VPS13B: variants seen among roughly 807,000 people sequenced by gnomAD.
VPS13B encodes the protein intermembrane lipid transfer protein VPS13B.
VPS13B carries 285 observed loss-of-function variants against 426.4 expected under a neutral mutation model. The ratio of observed to expected loss-of-function variants is 0.67; its 90% CI spans 0.61 to 0.74. The LOEUF is 0.74. Ranked by LOEUF, VPS13B falls within the 30% of genes least tolerant of loss-of-function variation. VPS13B has a pLI of 0.00. For missense variants in VPS13B, 4,537 were observed against 4,782.6 expected (o/e 0.95, Z 1.51); for synonymous variants, 1,676 against 1,676.4 (o/e 1.00, Z 0.01).
At chr8:99,263,325 A>AT (rs1291463503) in intron 17 of VPS13B, among the ~76,000 whole-genome samples, 4 of 152,176 alleles carry the variant, frequency 2.6e-5, no homozygotes, top group Non-Finnish European at 4.4e-5. Context: ...GTATGTAGAT[A>AT]TTATCTGCAT....
chr8:99,558,812 A>T (rs371746183), intron 31 of VPS13B, among the ~76,000 whole-genome samples: 2 of 152,120 alleles, frequency 1.3e-5, no homozygotes, highest in South Asian at 2.1e-4. Context: ...TCTATCATTG[A>T]TGGACATTTG....
At chr8:99,695,346 C>T (rs1831917167) in intron 35 of VPS13B, among the ~76,000 whole-genome samples, 1 of 148,920 alleles carries the variant, frequency 6.7e-6, no homozygotes, top group Non-Finnish European at 1.5e-5. Context: ...GGCACATATA[C>T]ACCATGGAAT....
At chr8:99,721,551 T>C (rs1041411390) in intron 39 of VPS13B, among the ~76,000 whole-genome samples, 1 of 151,418 alleles carries the variant, frequency 6.6e-6, no homozygotes, top group Non-Finnish European at 1.5e-5. Context: ...TTTGTGAAAG[T>C]GTGTTGCTTG....
chr8:99,017,294 T>C (rs1841672770), intron 2 of VPS13B, among the ~76,000 whole-genome samples: 1 of 152,190 alleles, frequency 6.6e-6, no homozygotes, highest in East Asian at 1.9e-4. Context: ...CAGGTTGCCA[T>C]ATGTGTGTGG....
chr8:99,858,600 G>C (rs192472988), intron 56 of VPS13B, among the ~76,000 whole-genome samples: 1 of 152,068 alleles, frequency 6.6e-6, no homozygotes, highest in African/African-American at 2.4e-5. Context: ...CAGAAGAATC[G>C]CTTGAACCCA....
chr8:99,436,422 A>G (rs529864307), intron 22 of VPS13B, among the ~76,000 whole-genome samples: 1 of 152,168 alleles, frequency 6.6e-6, no homozygotes, highest in African/African-American at 2.4e-5. Flanking sequence ...GGTAAAATAC[A>G]TATAACATAA....
chr8:99,601,667 T>C (rs1467476341), intron 33 of VPS13B, among the ~76,000 whole-genome samples: 1 of 152,226 alleles, frequency 6.6e-6, no homozygotes, highest in Non-Finnish European at 1.5e-5. Flanking sequence ...GTCTGTTGTT[T>C]CTTGACTTTT....
intron 31 of VPS13B, among the ~76,000 whole-genome samples, chr8:99,557,365 C>T (rs1824642443): frequency 6.6e-6 from 1 of 150,990 alleles, no homozygotes; most frequent in Non-Finnish European, 1.5e-5. Context: ...TCATAGCTTA[C>T]CTCCCACTTA....
Position 99,032,623 on chromosome 8 carries a change from G to T in VPS13B, c.148-5800G>T, listed in dbSNP as rs375738130. Among the ~76,000 whole-genome samples, 36 of 149,458 alleles carry T rather than the reference G, an allele frequency of 2.4e-4. No individual in the cohort carries two copies. In the East Asian group the frequency reaches 6.9e-3, roughly 28 times the overall value. On this transcript the variant is annotated intron_variant, in intron 2 of 61. Transcript: ENST00000357162. Reference sequence around the variant, plus strand: ...CAACTCACTGTAAGCTCCGCCTCCCGGGTTCACGCCATTCTCCTGCCTCAG... The same window carrying T: ...CAACTCACTGTAAGCTCCGCCTCCCTGGTTCACGCCATTCTCCTGCCTCAG...
chr8:99,574,958 G>A (rs1825704821), intron 31 of VPS13B, among the ~76,000 whole-genome samples: 1 of 152,136 alleles, frequency 6.6e-6, no homozygotes, highest in African/African-American at 2.4e-5. Context: ...GAGCCTAGGA[G>A]TTCAAGACCA....
In VPS13B at chr8:99,408,619, T is replaced by G. The variant is rs529330946; in HGVS notation, c.3082+16915T>G. Among the ~76,000 whole-genome samples, 4 of 152,308 alleles carry G rather than the reference T, an allele frequency of 2.6e-5. No homozygotes were observed. In the South Asian group the frequency reaches 8.3e-4, roughly 32 times the overall value. ...TTCCTATTAACTATCCAAATGGAGATGTTCAGTACGCAGTTGGATAAATAG... is the reference window on the plus strand; with the variant it reads ...TTCCTATTAACTATCCAAATGGAGAGGTTCAGTACGCAGTTGGATAAATAG... On this transcript the variant is annotated intron_variant, in intron 21 of 61. Coordinates refer to ENST00000357162, the MANE Select transcript of VPS13B (RefSeq NM_152564.5).
chr8:99,610,103 C>T, intron 33 of VPS13B, among the ~76,000 whole-genome samples: 1 of 152,096 alleles, frequency 6.6e-6, no homozygotes, highest in East Asian at 1.9e-4. Flanking sequence ...AATGGAAAGT[C>T]ATTTGTCATT....
rs180177360 is a variant in VPS13B at position 99,556,552 on chromosome 8, G to A, written c.4848G>A (p.Trp1616Ter). Residue 1616 changes from tryptophan (W) to a stop codon, truncating the protein, a stop_gained, in exon 31 of 62, where the codon TGG (tryptophan) becomes TGA (stop). Coordinates refer to ENST00000357162, the MANE Select transcript of VPS13B (RefSeq NM_152564.5). LOFTEE classifies it high-confidence loss of function. ...CCATCAATATTGGTACTGCACAGTG[G>A]CATCAACTAAAACCAGAGAAGGAAA... ...LQSINIGTAQ[W>*]HQLKPEKESV... 6.2e-7 allele frequency: 1 copy of A among 1,613,126 alleles called. No individual in the cohort carries two copies. Among genetic ancestry groups the A allele is most frequent in the African/African-American group, 1.3e-5 (1 of 74,856 alleles).
chr8:99,409,403 T>C (rs1017019962), intron 21 of VPS13B, among the ~76,000 whole-genome samples: 11 of 152,058 alleles, frequency 7.2e-5, no homozygotes, highest in African/African-American at 2.7e-4. Flanking sequence ...GCTGTGAGTA[T>C]TGGGGCTGGA....
intron 55 of VPS13B, among the ~76,000 whole-genome samples, chr8:99,852,791 G>T (rs1816358175): frequency 6.6e-6 from 1 of 152,144 alleles, no homozygotes; most frequent in Non-Finnish European, 1.5e-5. Context: ...TGGTAGCTAA[G>T]GGAGAGAGTG....
chr8:99,508,309 G>T (rs563541357), intron 28 of VPS13B, among the ~76,000 whole-genome samples: 1 of 152,004 alleles, frequency 6.6e-6, no homozygotes, highest in Non-Finnish European at 1.5e-5. Flanking sequence ...AGTAACTTGT[G>T]TGGTACCTTC....
intron 17 of VPS13B, among the ~76,000 whole-genome samples, chr8:99,273,500 C>G (rs1287504365): frequency 6.6e-6 from 1 of 151,920 alleles, no homozygotes; most frequent in Non-Finnish European, 1.5e-5. Flanking sequence ...ATGTCTCCAC[C>G]TAGGCCGGGC....
At chr8:99,057,632 C>T (rs1370932394) in intron 3 of VPS13B, among the ~76,000 whole-genome samples, 1 of 151,516 alleles carries the variant, frequency 6.6e-6, no homozygotes, top group Non-Finnish European at 1.5e-5. Context: ...CTTTTTTTTC[C>T]TGAACTCCAG....
intron 21 of VPS13B, among the ~76,000 whole-genome samples, chr8:99,408,156 C>A (rs927754144): frequency 6.6e-6 from 1 of 152,066 alleles, no homozygotes. Context: ...TAAAAGTGAG[C>A]AAGATGGGAT....
Sources: allele counts gnomAD v4.1 joint callset (sites outside exome capture counted in the v4.1 genomes callset), GRCh38; gene constraint gnomAD v4.1.1; transcripts MANE v1.5; gene names NCBI Gene and HGNC (gene_info 2026-07-23, HGNC 2026-07-21).